ANKAR: variants seen among roughly 807,000 people sequenced by gnomAD.
ANKAR encodes the protein ankyrin and armadillo repeat-containing protein.
ANKAR carries 136 observed loss-of-function variants against 146.2 expected under a neutral mutation model. The ratio of observed to expected loss-of-function variants is 0.93; its 90% CI spans 0.81 to 1.07. The LOEUF is 1.07. Among genes scored for constraint, ANKAR ranks in the 50% least tolerant of loss-of-function variants. ANKAR has a pLI of 0.00. For synonymous variants in ANKAR, 500 were observed against 575.8 expected (o/e 0.87, Z 1.88); for missense variants, 1,567 against 1,679.9 (o/e 0.93, Z 1.18).
At chr2:189,677,480 A>G (rs1400233977) in intron 2 of ANKAR, among the ~76,000 whole-genome samples, 1 of 151,892 alleles carries the variant, frequency 6.6e-6, no homozygotes, top group Non-Finnish European at 1.5e-5. Flanking sequence ...CCATTATATC[A>G]TTCTTATGCC....
chr2:189,696,607 A>C (rs770829439), intron 7 of ANKAR, among the ~76,000 whole-genome samples: 11 of 152,028 alleles, frequency 7.2e-5, no homozygotes, highest in Non-Finnish European at 1.3e-4. Context: ...AAGCTCTATA[A>C]GAGGGCAAAG....
chr2:189,760,845 T>A (rs1480769918), intron 18 of ANKAR, among the ~76,000 whole-genome samples: 1 of 152,096 alleles, frequency 6.6e-6, no homozygotes, highest in Non-Finnish European at 1.5e-5. Context: ...AAAATTATAA[T>A]AATCTAATAA....
At position 189,689,948 on chromosome 2, in the gene ANKAR, G is replaced by A. The variant is rs1214003259; in HGVS notation, c.1023G>A (p.Leu341=). ...TGAAAGTTCCATATTTAAGTAGTCT[G>A]CTTCAGCCTTTTTCAGGTAAGAGTA... ...KKMKVPYLSS[L]LQPFSDDKVK... The change falls in exon 3 of 23, where the codon CTG becomes CTA. Residue 341 remains leucine, a synonymous_variant. Transcript: ENST00000684021. 3.3e-6 allele frequency: 5 copies of A among 1,505,470 alleles called. No individual in the cohort carries two copies. The highest frequency in any genetic ancestry group is 4.4e-6 in the Non-Finnish European group (5 of 1,133,736). The allele number at this position is 1,505,470 out of a possible 1,614,324, so 93.3% of individuals were successfully genotyped here. A position where few individuals can be genotyped will look rare whatever the true frequency, so the allele number is the denominator to read the frequency against.
intron 17 of ANKAR, among the ~76,000 whole-genome samples, chr2:189,736,048 G>C (rs569149254): frequency 6.6e-6 from 1 of 152,180 alleles, no homozygotes; most frequent in African/African-American, 2.4e-5. Flanking sequence ...TGACATTGGG[G>C]AAGAAAAGTA....
rs762165732 is a variant in ANKAR, at chr2:189,730,480, C to T, written c.3194-15C>T. ...ATGGAAAAAAATATTACCTCACTGG[C>T]GTGGACTCTTACAGGTGTAGCCCAT... is the stretch of plus-strand genomic sequence containing the variant. On this transcript the variant is annotated splice_polypyrimidine_tract_variant and intron_variant, in intron 15 of 22. Coordinates refer to ENST00000684021, the MANE Select transcript of ANKAR (RefSeq NM_001378068.1). 13 of 1,475,614 alleles carry T rather than the reference C, an allele frequency of 8.8e-6. No homozygotes were observed. Among genetic ancestry groups the T allele is most frequent in the African/African-American group, 4.2e-5 (3 of 70,592 alleles). 91.4% of individuals were successfully genotyped at this position (1,475,614 alleles called of 1,614,324 possible).
At chr2:189,741,125 T>G (rs192202654) in intron 19 of ANKAR, among the ~76,000 whole-genome samples, 18 of 152,324 alleles carry the variant, frequency 1.2e-4, no homozygotes, top group African/African-American at 4.3e-4. Context: ...CACCCTTACA[T>G]AAACCTATTT....
chr2:189,761,672 T>C, downstream of ANKAR: 1 of 1,498,356 alleles, frequency 6.7e-7, no homozygotes, highest in Non-Finnish European at 8.9e-7. Context: ...TGAAAAAGAA[T>C]TACAGAAACA....
At chr2:189,682,162 A>G (rs1182162693) in intron 2 of ANKAR, among the ~76,000 whole-genome samples, 1 of 152,116 alleles carries the variant, frequency 6.6e-6, no homozygotes, top group Admixed American at 6.6e-5. Context: ...GGTGGAATGT[A>G]TCTTTATTCC....
downstream of ANKAR, among the ~76,000 whole-genome samples, chr2:189,749,835 G>T (rs1051325200): frequency 1.1e-4 from 17 of 152,170 alleles, no homozygotes; most frequent in Non-Finnish European, 2.2e-4. Flanking sequence ...TGACATGACT[G>T]ATCTAAAATT....
chr2:189,696,037 A>G (rs2037148853), intron 6 of ANKAR, 113 bp from the exon 7 acceptor site: 3 of 863,798 alleles, frequency 3.5e-6, no homozygotes, highest in Non-Finnish European at 5.3e-6. Context: ...TGAAAATTCT[A>G]CTTAATTTTA....
Position 189,676,651 on chromosome 2 carries a change from G to T in ANKAR, c.161G>T (p.Trp54Leu), listed in dbSNP as rs1217687113. 5 of 1,614,044 alleles carry T rather than the reference G, an allele frequency of 3.1e-6. No individual in the cohort carries two copies. Among genetic ancestry groups the T allele is most frequent in the African/African-American group, 1.3e-5 (1 of 74,922 alleles). The change falls in exon 2 of 23, where the codon TGG becomes TTG. Residue 54 changes from tryptophan (W) to leucine (L), a missense_variant. Coordinates refer to ENST00000684021, the MANE Select transcript of ANKAR (RefSeq NM_001378068.1). ...TTACTAACTACTGCACTAGTTAGCTGGTTGTCTGCCAAAGAGGATGTGCGC... is the reference window on the plus strand; with the variant it reads ...TTACTAACTACTGCACTAGTTAGCTTGTTGTCTGCCAAAGAGGATGTGCGC... The part of the protein sequence containing the change: ...QELLTTALVS[W>L]LSAKEDVRSQ...
At chr2:189,749,908 G>A (rs754846782), downstream of ANKAR, among the ~76,000 whole-genome samples, 3 of 152,116 alleles carry the variant, frequency 2.0e-5, no homozygotes, top group East Asian at 3.9e-4. Flanking sequence ...GATTGCCTGA[G>A]CTCAGGAGTT....
chr2:189,736,965 T>C (rs116407017), intron 17 of ANKAR, among the ~76,000 whole-genome samples: 1,564 of 151,672 alleles, frequency 0.01, 34 homozygotes, highest in African/African-American at 0.036. Flanking sequence ...TCTTAGCTAC[T>C]TGGGAGGCTG....
At chr2:189,682,689 T>C (rs1393446095) in intron 2 of ANKAR, among the ~76,000 whole-genome samples, 3 of 152,124 alleles carry the variant, frequency 2.0e-5, no homozygotes, top group Non-Finnish European at 2.9e-5. Flanking sequence ...ACACTCCAAA[T>C]TGCATCAGAA....
chr2:189,683,588 G>A (rs984504534), intron 2 of ANKAR, among the ~76,000 whole-genome samples: 1 of 152,232 alleles, frequency 6.6e-6, no homozygotes, highest in African/African-American at 2.4e-5. Context: ...TTTCTTCCAA[G>A]CTTAGTGTTA....
Position 189,677,237 on chromosome 2 carries a change from C to T in ANKAR, c.601+146C>T, listed in dbSNP as rs186131584. On this transcript the variant is annotated intron_variant, in intron 2 of 22. Transcript: ENST00000684021. ...AAGTGCTAGGATTACAGGCATGAGC[C>T]GCTGCACCTGGCCACTTCTTAATTA... The T allele has an allele frequency of 3.1e-3, 2,008 of 657,936 alleles. 5 individuals are homozygous for T. The highest frequency in any genetic ancestry group is 4.0e-3 in the Non-Finnish European group (1,789 of 445,472). 40.8% of individuals were successfully genotyped at this position (657,936 alleles called of 1,614,324 possible).
chr2:189,681,896 A>C (rs962203777), intron 2 of ANKAR, among the ~76,000 whole-genome samples: 9 of 152,216 alleles, frequency 5.9e-5, no homozygotes, highest in Non-Finnish European at 1.0e-4. Flanking sequence ...CTTTTAAAAT[A>C]TCTCTCAAAA....
chr2:189,762,510 G>T, downstream of ANKAR: 1 of 829,838 alleles, frequency 1.2e-6, no homozygotes, highest in Non-Finnish European at 1.5e-6. Flanking sequence ...ATCTGGACAA[G>T]GAGGATTGTA....
intron 18 of ANKAR, chr2:189,755,659 T>C (rs1380537514): frequency 3.9e-6 from 5 of 1,285,068 alleles, no homozygotes; most frequent in Non-Finnish European, 5.3e-6. Context: ...AATCATTATA[T>C]AGCTGAGTAA....
Sources: allele counts gnomAD v4.1 joint callset (sites outside exome capture counted in the v4.1 genomes callset), GRCh38; gene constraint gnomAD v4.1.1; transcripts MANE v1.5; gene names NCBI Gene and HGNC (gene_info 2026-07-23, HGNC 2026-07-21).